EDEM3: variants seen among roughly 807,000 people sequenced by gnomAD.
The protein encoded by EDEM3 is ER degradation-enhancing alpha-mannosidase-like protein 3.
A neutral mutation model predicts 110.2 loss-of-function variants in EDEM3; 60 were observed. The observed-to-expected ratio is 0.54, with a 90% CI of 0.44 to 0.67. The LOEUF (loss-of-function observed/expected upper bound fraction) is 0.67. Ranked by LOEUF, EDEM3 falls within the 30% of genes least tolerant of loss-of-function variation. EDEM3 has a pLI of 0.00. For missense variants in EDEM3, 996 were observed against 1,121.0 expected, an observed-to-expected ratio of 0.89 and a Z score of 1.59; for synonymous variants, 352 against 382.9, an observed-to-expected ratio of 0.92 and a Z score of 0.94.
Position 184,694,333 on chromosome 1 carries a change from G to C in EDEM3, c.2529C>G (p.His843Gln), listed in dbSNP as rs756848005. Residue 843 changes from histidine (H) to glutamine (Q), a missense_variant, in exon 20 of 20, where the codon CAC (histidine) becomes CAG (glutamine). Around this residue, in one of 5 missense-constraint regions of EDEM3, gnomAD observed 345 missense variants for 402.0 expected, o/e 0.86. Transcript: ENST00000318130. Reference sequence around the variant, plus strand: ...TATCTGCTAGAGATAATGATTCTGGGTGAGAATTTAGAGAATTTTCCTCAG... The same window carrying C: ...TATCTGCTAGAGATAATGATTCTGGCTGAGAATTTAGAGAATTTTCCTCAG... ...ESSEENSLNS[H>Q]PESLSLADMD... is the part of the protein sequence containing the mutation. The C allele has an allele frequency of 6.2e-7, 1 of 1,613,044 alleles. No individual in the cohort carries two copies. Among genetic ancestry groups the C allele is most frequent in the South Asian group, 1.1e-5 (1 of 91,040 alleles).
intron 19 of EDEM3, among the ~76,000 whole-genome samples, chr1:184,698,388 T>C (rs1649439291): frequency 6.6e-6 from 1 of 151,852 alleles, no homozygotes; most frequent in Non-Finnish European, 1.5e-5. Flanking sequence ...GGACGCCTAA[T>C]AGTGACATGG....
intron 2 of EDEM3, among the ~76,000 whole-genome samples, chr1:184,746,694 A>G (rs111938691): frequency 5.9e-5 from 9 of 152,280 alleles, no homozygotes; most frequent in African/African-American, 2.2e-4. Flanking sequence ...CCAAGTCCAG[A>G]GTTCTTGCTC....
At chr1:184,743,530 T>C (rs1462523227) in intron 2 of EDEM3, among the ~76,000 whole-genome samples, 3 of 152,130 alleles carry the variant, frequency 2.0e-5, no homozygotes, top group Non-Finnish European at 1.5e-5. Flanking sequence ...TATCAGACTC[T>C]AAATTTACTA....
chr1:184,750,914 T>C (rs1652726415), intron 1 of EDEM3, among the ~76,000 whole-genome samples: 1 of 152,188 alleles, frequency 6.6e-6, no homozygotes, highest in African/African-American at 2.4e-5. Flanking sequence ...CCTGTTATAC[T>C]GCAATTGTCA....
intron 2 of EDEM3, among the ~76,000 whole-genome samples, chr1:184,745,822 T>C (rs929396703): frequency 2.0e-5 from 3 of 152,212 alleles, no homozygotes; most frequent in Non-Finnish European, 4.4e-5. Flanking sequence ...TACCAGAATA[T>C]AGTTTTTGCT....
rs932107097 is a variant in EDEM3 at position 184,719,223 on chromosome 1, G to A, written c.1100C>T (p.Pro367Leu). Residue 367 changes from proline to leucine, a missense_variant, in exon 11 of 20, where the codon CCT becomes CTT. This residue lies in a region of EDEM3 where 310 missense variants were observed against 394.6 expected (regional missense o/e 0.79). Coordinates refer to ENST00000318130, the MANE Select transcript of EDEM3 (RefSeq NM_025191.4). ...TAACATTTCATGAGTTTCAATAGCA[G>A]GTCTAATATCCCCCTTTAACACCTA... ...GLQVLKGDIR[P>L]AIETHEMLYQ... is the part of the protein sequence containing the mutation. 7 of 1,573,726 alleles carry A rather than the reference G, an allele frequency of 4.4e-6. No individual in the cohort carries two copies. Among genetic ancestry groups the A allele is most frequent in the Non-Finnish European group, 5.2e-6 (6 of 1,163,566 alleles).
Position 184,711,826 on chromosome 1 carries a change from T to C in EDEM3, c.1588A>G (p.Asn530Asp), listed in dbSNP as rs148284518. 3.3e-5 allele frequency: 54 copies of C among 1,613,488 alleles called. No homozygotes were observed. The East Asian group carries it at 7.6e-4, about 23-fold the overall frequency. Reference protein sequence around the residue: ...DDSNFDWTCPNTQILFPNDPL... With the variant: ...DDSNFDWTCPDTQILFPNDPL... ...TCATTAGGAAAGAGGATCTGAGTAT[T>C]TGGACAAGTCCAATCGAAGTTACTG... The change falls in exon 15 of 20, where the codon AAT (asparagine) becomes GAT (aspartate). Residue 530 changes from asparagine (N) to aspartate (D), a missense_variant. By Grantham distance (23) the Asn-to-Asp change is conservative. Around this residue, in one of 5 missense-constraint regions of EDEM3, gnomAD observed 138 missense variants for 124.3 expected, o/e 1.11. Transcript: ENST00000318130.
At chr1:184,732,314 G>C (rs61823891) in intron 6 of EDEM3, among the ~76,000 whole-genome samples, 10,892 of 152,206 alleles carry the variant, frequency 0.072, 450 homozygotes, top group African/African-American at 0.12. Context: ...AGGCTGGGAA[G>C]GGTAGGTGGT....
In EDEM3 at chr1:184,717,548, A is replaced by C. The variant is rs1485047369; in HGVS notation, c.1237T>G (p.Leu413Val). The C allele has an allele frequency of 1.2e-6, 2 of 1,606,204 alleles. No individual in the cohort carries two copies. The highest frequency in any genetic ancestry group is 1.3e-5 in the African/African-American group (1 of 74,470). Residue 413 changes from leucine (L) to valine (V), a missense_variant, in exon 12 of 20, where the codon TTA (leucine) becomes GTA (valine). By Grantham distance (32) the Leu-to-Val change is conservative. Around this residue, in one of 5 missense-constraint regions of EDEM3, gnomAD observed 310 missense variants for 394.6 expected, o/e 0.79. Coordinates refer to ENST00000318130, the MANE Select transcript of EDEM3 (RefSeq NM_025191.4). ...GGGGTATATTTTCTTACTTTATATA[A>C]GAAGTAGGTACTTTCTGCAAATTCT... ...RPEFAESTYFLYKATGDPYYL... is the reference protein window; with the variant it reads ...RPEFAESTYFVYKATGDPYYL...
At chr1:184,710,574 T>A in intron 15 of EDEM3, 27 bp from the exon 16 acceptor site, 1 of 1,558,476 alleles carries the variant, frequency 6.4e-7, no homozygotes, top group Non-Finnish European at 8.7e-7. Context: ...CAGGCAAGGC[T>A]TAAAAAACTA....
At chr1:184,716,679 T>C (rs895542286) in intron 13 of EDEM3, among the ~76,000 whole-genome samples, 7 of 152,200 alleles carry the variant, frequency 4.6e-5, no homozygotes, top group African/African-American at 1.7e-4. Flanking sequence ...TTTGAGCACC[T>C]ACTATATGCC....
intron 1 of EDEM3, among the ~76,000 whole-genome samples, chr1:184,750,534 AG>A (rs1354753446): frequency 2.8e-5 from 2 of 71,542 alleles, no homozygotes; most frequent in African/African-American, 1.0e-4. Context: ...TTTTTGAGAC[AG>A]GGTCTCACTC....
chr1:184,737,039 A>C lies in EDEM3; in HGVS notation c.331T>G (p.Leu111Val). 1 of 1,611,984 alleles carries C rather than the reference A, an allele frequency of 6.2e-7. No individual in the cohort carries two copies. The highest frequency in any genetic ancestry group is 2.2e-5 in the East Asian group (1 of 44,684). ...GKFSLTLIDS[L>V]DTLVVLNKTK... ...GTCAAACCTACCACAAGAGTGTCCAAAGAATCAATCAGTGTCAGAGAAAAT... is the reference window on the plus strand; with the variant it reads ...GTCAAACCTACCACAAGAGTGTCCACAGAATCAATCAGTGTCAGAGAAAAT... The change falls in exon 4 of 20, where the codon TTG (leucine) becomes GTG (valine). Residue 111 changes from leucine to valine, a missense_variant. Physicochemically the swap from Leu to Val is conservative, Grantham distance 32 (BLOSUM62 1). Transcript: ENST00000318130.
intron 12 of EDEM3, 104 bp from the exon 13 acceptor site, chr1:184,717,116 T>C (rs2102081659): frequency 1.1e-6 from 1 of 893,070 alleles, no homozygotes; most frequent in East Asian, 2.8e-5. Flanking sequence ...TGCCAGGCAC[T>C]GTATCAGGCA....
chr1:184,744,656 T>A (rs1012266988), intron 2 of EDEM3, among the ~76,000 whole-genome samples: 2 of 151,890 alleles, frequency 1.3e-5, no homozygotes, highest in Non-Finnish European at 2.9e-5. Flanking sequence ...AGACCAAAAA[T>A]AAGTCAAATA....
At chr1:184,718,259 T>C (rs577945476) in intron 11 of EDEM3, among the ~76,000 whole-genome samples, 3 of 152,166 alleles carry the variant, frequency 2.0e-5, no homozygotes, top group Non-Finnish European at 2.9e-5. Flanking sequence ...TAAATAAAAT[T>C]AGTCTATTTG....
Position 184,710,382 on chromosome 1 carries a change from G to A in EDEM3, c.1845+12C>T. 3 of 1,612,946 alleles carry A rather than the reference G, an allele frequency of 1.9e-6. No homozygotes were observed. The highest frequency in any genetic ancestry group is 2.5e-6 in the Non-Finnish European group (3 of 1,179,378). ...GCAGAGACGGTATCTAATTAGTGTA[G>A]CAATGTCTTACTTGGATTGCATGTT... is the stretch of plus-strand genomic sequence containing the variant. On this transcript the variant is annotated intron_variant, in intron 16 of 19. Transcript: ENST00000318130.
At chr1:184,738,988 T>C (rs1651984490) in intron 2 of EDEM3, among the ~76,000 whole-genome samples, 1 of 150,510 alleles carries the variant, frequency 6.6e-6, no homozygotes, top group Admixed American at 6.6e-5. Flanking sequence ...AGATATTTAC[T>C]CCATCTGGAA....
rs536664039 is a variant in EDEM3, at chr1:184,694,246, C to G, written c.2616G>C (p.Glu872Asp). The G allele has an allele frequency of 7.4e-6, 12 of 1,613,184 alleles. No individual in the cohort carries two copies. The highest frequency in any genetic ancestry group is 9.3e-6 in the Non-Finnish European group (11 of 1,179,618). Residue 872 changes from glutamate to aspartate, a missense_variant, in exon 20 of 20, where the codon GAG becomes GAC. Physicochemically the swap from Glu to Asp is conservative, Grantham distance 45. This residue lies in a region of EDEM3 where 345 missense variants were observed against 402.0 expected (regional missense o/e 0.86). Coordinates refer to ENST00000318130, the MANE Select transcript of EDEM3 (RefSeq NM_025191.4). The part of the protein sequence containing the change: ...EQTSNPTENH[E>D]TTNLNGECTD... ...TACATTCACCATTAAGATTTGTAGTCTCATGGTTTTCTGTGGGATTAGAAG... is the reference window on the plus strand; with the variant it reads ...TACATTCACCATTAAGATTTGTAGTGTCATGGTTTTCTGTGGGATTAGAAG...
Sources: allele counts gnomAD v4.1 joint callset (sites outside exome capture counted in the v4.1 genomes callset), GRCh38; gene constraint gnomAD v4.1.1; regional missense constraint gnomAD v4.1.1; transcripts MANE v1.5; gene names NCBI Gene and HGNC (gene_info 2026-07-23, HGNC 2026-07-21).